ASAP1: variants seen among roughly 807,000 people sequenced by gnomAD.
The protein encoded by ASAP1 is arf-GAP with SH3 domain, ANK repeat and PH domain-containing protein 1.
A neutral mutation model predicts 145.2 loss-of-function variants in ASAP1; 43 were observed. The ratio of observed to expected loss-of-function variants is 0.30; its 90% CI spans 0.23 to 0.38. The LOEUF (loss-of-function observed/expected upper bound fraction) is 0.38, where lower values mean the gene tolerates loss of function less well. Ranked by LOEUF, ASAP1 falls within the 10% of genes least tolerant of loss-of-function variation. The probability of loss-of-function intolerance (pLI) is 1.00; values close to 1 mark genes in which losing one functional copy is unlikely to be tolerated. For missense variants in ASAP1, 1,018 were observed against 1,355.3 expected (o/e 0.75, Z 3.91); for synonymous variants, 546 against 515.5 (o/e 1.06, Z -0.80).
chr8:130,244,236 C>T (rs1329679853), intron 3 of ASAP1, among the ~76,000 whole-genome samples: 1 of 152,168 alleles, frequency 6.6e-6, no homozygotes, highest in Admixed American at 6.5e-5. Flanking sequence ...GAATATCTCT[C>T]TTATGTCTGT....
intron 7 of ASAP1, among the ~76,000 whole-genome samples, chr8:130,184,199 TGTAAACACTGAAACTA>T (rs1814560334): frequency 6.6e-6 from 1 of 152,196 alleles, no homozygotes. Context: ...CCTATAAAAA[TGTAAACACTGAAACTA>T]GTTTAATAAA....
chr8:130,237,892 T>C (rs1818306677), intron 3 of ASAP1, among the ~76,000 whole-genome samples: 1 of 152,132 alleles, frequency 6.6e-6, no homozygotes, highest in African/African-American at 2.4e-5. Flanking sequence ...GCCTCTGGTC[T>C]GCTTGGGAAC....
chr8:130,143,949 T>C (rs1011258093), intron 13 of ASAP1, among the ~76,000 whole-genome samples: 4 of 152,184 alleles, frequency 2.6e-5, no homozygotes, highest in Non-Finnish European at 5.9e-5. Context: ...GAAGTGAACA[T>C]TAATTACTTG....
chr8:130,124,861 TG>T (rs1253260330), intron 17 of ASAP1, among the ~76,000 whole-genome samples: 1 of 152,250 alleles, frequency 6.6e-6, no homozygotes, highest in African/African-American at 2.4e-5. Flanking sequence ...ACATCATTTC[TG>T]CACTAAAGAA....
intron 5 of ASAP1, among the ~76,000 whole-genome samples, chr8:130,206,498 CA>C (rs1375699553): frequency 6.6e-6 from 1 of 151,886 alleles, no homozygotes; most frequent in Non-Finnish European, 1.5e-5. Context: ...ACCCTACAGT[CA>C]GAGATTGCAA....
At chr8:130,316,525 T>C (rs1269286605) in intron 3 of ASAP1, among the ~76,000 whole-genome samples, 1 of 152,218 alleles carries the variant, frequency 6.6e-6, no homozygotes, top group Non-Finnish European at 1.5e-5. Context: ...CAGTCAAATG[T>C]GGTCAATAAA....
intron 3 of ASAP1, among the ~76,000 whole-genome samples, chr8:130,287,609 G>T (rs1250976251): frequency 6.6e-6 from 1 of 152,132 alleles, no homozygotes; most frequent in East Asian, 1.9e-4. Flanking sequence ...GCCAAGGAAG[G>T]CGAGTTCTGT....
At chr8:130,389,843 G>A (rs1828192009) in intron 2 of ASAP1, among the ~76,000 whole-genome samples, 1 of 152,132 alleles carries the variant, frequency 6.6e-6, no homozygotes, top group African/African-American at 2.4e-5. Context: ...TGGGACTATA[G>A]GTGTGTGCTA....
chr8:130,288,784 T>C (rs1815642), intron 3 of ASAP1, among the ~76,000 whole-genome samples: 6 of 152,296 alleles, frequency 3.9e-5, no homozygotes, highest in South Asian at 4.1e-4. Context: ...GCATTACTTA[T>C]AGAAGGAAAG....
intron 14 of ASAP1, among the ~76,000 whole-genome samples, chr8:130,136,473 C>T (rs760155627): frequency 9.9e-5 from 15 of 151,658 alleles, no homozygotes; most frequent in Non-Finnish European, 1.9e-4. Context: ...TGGGCAAATT[C>T]GTTGTACAGA....
chr8:130,266,304 C>T (rs1412359648), intron 3 of ASAP1, among the ~76,000 whole-genome samples: 1 of 152,072 alleles, frequency 6.6e-6, no homozygotes, highest in African/African-American at 2.4e-5. Flanking sequence ...GGAATCCACT[C>T]TCAAGCTGCA....
intron 3 of ASAP1, among the ~76,000 whole-genome samples, chr8:130,277,207 G>A (rs1422519197): frequency 6.6e-6 from 1 of 152,140 alleles, no homozygotes; most frequent in African/African-American, 2.4e-5. Context: ...AGAGAAAGCA[G>A]CTGCCAAACA....
chr8:130,258,225 G>C (rs914279534), intron 3 of ASAP1, among the ~76,000 whole-genome samples: 1 of 152,128 alleles, frequency 6.6e-6, no homozygotes, highest in African/African-American at 2.4e-5. Context: ...TGCTTGAGGA[G>C]AAAAGTCAAT....
chr8:130,373,027 CACACACAT>C (rs1827291640), intron 2 of ASAP1, among the ~76,000 whole-genome samples: 3 of 151,376 alleles, frequency 2.0e-5, no homozygotes, highest in Admixed American at 1.3e-4. Context: ...CACAGACACA[CACACACAT>C]ACACACATAC....
At chr8:130,271,059 G>C (rs188428804) in intron 3 of ASAP1, among the ~76,000 whole-genome samples, 114 of 152,334 alleles carry the variant, frequency 7.5e-4, no homozygotes, top group Non-Finnish European at 1.2e-4. Flanking sequence ...GGTCCCCAAG[G>C]ATGGCCCACT....
chr8:130,385,556 TG>T (rs1174015004), intron 2 of ASAP1, among the ~76,000 whole-genome samples: 1 of 152,134 alleles, frequency 6.6e-6, no homozygotes, highest in African/African-American at 2.4e-5. Context: ...ACCCGTTACA[TG>T]GGGATGTTTT....
intron 2 of ASAP1, among the ~76,000 whole-genome samples, chr8:130,383,565 C>A (rs1247211940): frequency 6.6e-6 from 1 of 152,206 alleles, no homozygotes; most frequent in Non-Finnish European, 1.5e-5. Flanking sequence ...ATCTTCACTG[C>A]AGTGGCGTGT....
chr8:130,312,963 G>A (rs945786494), intron 3 of ASAP1, among the ~76,000 whole-genome samples: 2 of 152,178 alleles, frequency 1.3e-5, no homozygotes, highest in African/African-American at 4.8e-5. Context: ...ACAGCAGAGT[G>A]ACAGCTCATT....
intron 13 of ASAP1, among the ~76,000 whole-genome samples, chr8:130,145,050 G>A (rs750781062): frequency 7.9e-5 from 12 of 152,194 alleles, no homozygotes; most frequent in African/African-American, 1.9e-4. Context: ...CTGCTAAGAC[G>A]TGGCGCTGAG....
Sources: gnomAD v4.1 joint callset for allele counts (sites outside exome capture counted in the v4.1 genomes callset) on GRCh38, gnomAD v4.1.1 for gene constraint, MANE v1.5 for transcripts, NCBI Gene and HGNC (gene_info 2026-07-23, HGNC 2026-07-21) for gene names.